Variants in ONECUT3 observed in about 807,000 individuals in gnomAD.
ONECUT3 encodes the protein one cut domain family member 3.
In ONECUT3, 11 loss-of-function variants were observed where a neutral mutation model predicts 16.8. The observed-to-expected ratio is 0.66, with a 90% CI of 0.41 to 1.09. The LOEUF is 1.09. Among genes scored for constraint, ONECUT3 ranks in the 50% least tolerant of loss-of-function variants. The probability of loss-of-function intolerance (pLI) is 0.00; values close to 1 mark genes in which losing one functional copy is unlikely to be tolerated. For synonymous variants in ONECUT3, 344 were observed against 310.7 expected (o/e 1.11, Z -1.13); for missense variants, 637 against 629.9 (o/e 1.01, Z -0.12).
Position 1,766,310 on chromosome 19 carries a change from G to A in ONECUT3, c.1193-8843G>A, listed in dbSNP as rs2067988552. Among the ~76,000 whole-genome samples, 1 of 152,150 alleles carries A rather than the reference G, an allele frequency of 6.6e-6. No individual in the cohort carries two copies. ...AGGCTGGCACCCTCAGCCCGCACGC[G>A]GCCAACGTCAGGCGCGCGCAGAGGC... On this transcript the variant is annotated intron_variant, in intron 1 of 1. Coordinates refer to ENST00000382349, the MANE Select transcript of ONECUT3 (RefSeq NM_001080488.2). The surrounding 1 kb of genome is among the most constrained non-coding windows in gnomAD (Gnocchi z 4.0).
chr19:1,754,918 CG>C lies in ONECUT3; in HGVS notation c.1192+68del, dbSNP rs1442546739. 7.8e-7 allele frequency: 1 copy of C among 1,285,946 alleles called. No homozygotes were observed. Among genetic ancestry groups the C allele is most frequent in the East Asian group, 3.2e-5 (1 of 31,424 alleles). 79.7% of individuals were successfully genotyped at this position (1,285,946 alleles called of 1,614,324 possible). On this transcript the variant is annotated intron_variant, in intron 1 of 1. Coordinates refer to ENST00000382349, the MANE Select transcript of ONECUT3 (RefSeq NM_001080488.2). The surrounding 1 kb of genome is among the most constrained non-coding windows in gnomAD (Gnocchi z 7.4). ...CGGCTCTGGACTCCCGAGCACCTAG[CG>C]GGGCGGCGGCCGATGCCCGGGGCCA... is the stretch of plus-strand genomic sequence containing the variant.
Position 1,780,271 on chromosome 19 carries a change from C to G in ONECUT3, c.*4826C>G, listed in dbSNP as rs2068145897. 6.6e-6 allele frequency: 1 copy of G among 152,130 alleles called. No individual in the cohort carries two copies. The allele number at this position is 152,130 out of a possible 1,614,324, so 9.4% of individuals were successfully genotyped here. On this transcript the variant is annotated 3_prime_UTR_variant, in exon 2 of 2. Transcript: ENST00000382349. ...AGCCCGGGAGGCAGGGGGTGTACGC[C>G]TGCAGAGACCCCTCCCTCCCAGCCC...
At chr19:1,774,372 G>A (rs2068084834) in intron 1 of ONECUT3, among the ~76,000 whole-genome samples, 2 of 151,684 alleles carry the variant, frequency 1.3e-5, no homozygotes, top group Non-Finnish European at 2.9e-5. Flanking sequence ...CTTGAGGCCA[G>A]GCGTTCGAGA....
intron 1 of ONECUT3, among the ~76,000 whole-genome samples, chr19:1,773,616 G>C (rs1600361167): frequency 6.6e-6 from 1 of 152,232 alleles, no homozygotes; most frequent in East Asian, 1.9e-4. Flanking sequence ...ACTGGGAGCA[G>C]AGACCCACTA....
chr19:1,770,497 A>C (rs537094661), intron 1 of ONECUT3, among the ~76,000 whole-genome samples: 7 of 152,366 alleles, frequency 4.6e-5, no homozygotes, highest in African/African-American at 1.7e-4. Context: ...AGCTCTTGAC[A>C]CAAAGCTCTT....
At chr19:1,767,041 C>T (rs1027979872) in intron 1 of ONECUT3, among the ~76,000 whole-genome samples, 6 of 152,006 alleles carry the variant, frequency 3.9e-5, no homozygotes, top group East Asian at 1.9e-4. Flanking sequence ...TGCTCCTGGG[C>T]GTTGAGGAAT....
intron 1 of ONECUT3, among the ~76,000 whole-genome samples, chr19:1,772,686 CTTTTTTTTTTTT>C (rs201848533): frequency 1.4e-4 from 9 of 64,032 alleles, no homozygotes; most frequent in Admixed American, 6.4e-4. Context: ...CTGCTTTACT[CTTTTTTTTTTTT>C]TTTTTTTTTT....
chr19:1,764,986 G>A lies in ONECUT3; in HGVS notation c.1192+10132G>A, dbSNP rs1314006002. ...CTCCCTGAAGCCAGAGGTGGCTGAG[G>A]GAGGGGATCTCCAGCTCCAGGACAC... On this transcript the variant is annotated intron_variant, in intron 1 of 1. Transcript: ENST00000382349. This position sits in a 1 kb window ranked among gnomAD's most constrained non-coding sequence, Gnocchi z 5.0. Among the ~76,000 whole-genome samples the A allele has an allele frequency of 1.3e-5, 2 of 151,600 alleles. No homozygotes were observed.
At position 1,766,835 on chromosome 19, in the gene ONECUT3, G is replaced by A. The variant is rs981620660; in HGVS notation, c.1193-8318G>A. ...CCCCCCCCCATGCTCCACCACCCTCGTGTAGGACAACCCAGGAACATGTTA... is the reference window on the plus strand; with the variant it reads ...CCCCCCCCCATGCTCCACCACCCTCATGTAGGACAACCCAGGAACATGTTA... On this transcript the variant is annotated intron_variant, in intron 1 of 1. Coordinates refer to ENST00000382349, the MANE Select transcript of ONECUT3 (RefSeq NM_001080488.2). This position sits in a 1 kb window ranked among gnomAD's most constrained non-coding sequence, Gnocchi z 4.0. Among the ~76,000 whole-genome samples, 2 of 151,908 alleles carry A rather than the reference G, an allele frequency of 1.3e-5. No individual in the cohort carries two copies. Among genetic ancestry groups the A allele is most frequent in the African/African-American group, 4.8e-5 (2 of 41,328 alleles).
intron 1 of ONECUT3, among the ~76,000 whole-genome samples, chr19:1,756,012 C>G (rs944889218): frequency 6.6e-6 from 1 of 152,176 alleles, no homozygotes; most frequent in Non-Finnish European, 1.5e-5. Context: ...GATCGCTTCT[C>G]CGAGCACAAG....
chr19:1,777,276 C>T lies in ONECUT3; in HGVS notation c.*1831C>T, dbSNP rs2068118052. On this transcript the variant is annotated 3_prime_UTR_variant, in exon 2 of 2. Coordinates refer to ENST00000382349, the MANE Select transcript of ONECUT3 (RefSeq NM_001080488.2). ...GCTCAGCACCGCACCTCTCTACCCCCCCACAGACACACATGCAGACACACA... is the reference window on the plus strand; with the variant it reads ...GCTCAGCACCGCACCTCTCTACCCCTCCACAGACACACATGCAGACACACA... The T allele has an allele frequency of 6.6e-6, 1 of 151,566 alleles. No individual in the cohort carries two copies. Among genetic ancestry groups the T allele is most frequent in the Admixed American group, 6.6e-5 (1 of 15,226 alleles). The allele number at this position is 151,566 out of a possible 1,614,324, so 9.4% of individuals were successfully genotyped here. A position where few individuals can be genotyped will look rare whatever the true frequency, so the allele number is the denominator to read the frequency against.
intron 1 of ONECUT3, among the ~76,000 whole-genome samples, chr19:1,760,603 C>T (rs1264148762): frequency 6.6e-6 from 1 of 151,804 alleles, no homozygotes; most frequent in Non-Finnish European, 1.5e-5. Flanking sequence ...ATGTTGTGGG[C>T]ATGTGAGTCC....
In ONECUT3 at chr19:1,764,568, G is replaced by A. The variant is rs987067932; in HGVS notation, c.1192+9714G>A. 3.5e-4 allele frequency among the ~76,000 whole-genome samples: 53 copies of A among 151,962 alleles called. No homozygotes were observed. The highest frequency in any genetic ancestry group is 3.5e-3 in the Admixed American group (53 of 15,268). On this transcript the variant is annotated intron_variant, in intron 1 of 1. Coordinates refer to ENST00000382349, the MANE Select transcript of ONECUT3 (RefSeq NM_001080488.2). The surrounding 1 kb of genome is among the most constrained non-coding windows in gnomAD (Gnocchi z 5.0). ...TGGAGGGGTAGTGGGAACAGAGTGG[G>A]GCCAGATGAGGGGCTGGGGAGGCCT...
chr19:1,780,352 G>A lies in ONECUT3; in HGVS notation c.*4907G>A, dbSNP rs1279597390. ...CCAAAATCATCAAAGGGGGCTCTGG[G>A]ACAATGTCCTCTGCCTCTGACTCCT... is the stretch of plus-strand genomic sequence containing the variant. On this transcript the variant is annotated 3_prime_UTR_variant, in exon 2 of 2. Coordinates refer to ENST00000382349, the MANE Select transcript of ONECUT3 (RefSeq NM_001080488.2). The A allele has an allele frequency of 2.0e-5, 3 of 152,292 alleles. No homozygotes were observed. Among genetic ancestry groups the A allele is most frequent in the Non-Finnish European group, 4.4e-5 (3 of 68,104 alleles). The allele number at this position is 152,292 out of a possible 1,614,324, so 9.4% of individuals were successfully genotyped here.
In ONECUT3 at chr19:1,754,020, G is replaced by C. The variant is rs1469834483; in HGVS notation, c.358G>C (p.Val120Leu). ...PLQHLPPLAA[V>L]ADKFHQHAAA... ...GCAGCACCTGCCGCCGCTCGCGGCCGTGGCCGACAAGTTCCACCAGCACGC... is the reference window on the plus strand; with the variant it reads ...GCAGCACCTGCCGCCGCTCGCGGCCCTGGCCGACAAGTTCCACCAGCACGC... The change falls in exon 1 of 2, where the codon GTG (valine) becomes CTG (leucine). Residue 120 changes from valine (V) to leucine (L), a missense_variant. By Grantham distance (32) the Val-to-Leu change is conservative. Transcript: ENST00000382349. The surrounding 1 kb of genome is among the most constrained non-coding windows in gnomAD (Gnocchi z 7.4). 7 of 992,128 alleles carry C rather than the reference G, an allele frequency of 7.1e-6. No homozygotes were observed. Among genetic ancestry groups the C allele is most frequent in the Non-Finnish European group, 8.4e-6 (7 of 836,096 alleles). The allele number at this position is 992,128 out of a possible 1,614,324, so 61.5% of individuals were successfully genotyped here.
At chr19:1,761,696 G>A (rs1207835989) in intron 1 of ONECUT3, among the ~76,000 whole-genome samples, 1 of 152,198 alleles carries the variant, frequency 6.6e-6, no homozygotes, top group Non-Finnish European at 1.5e-5. Flanking sequence ...TGATCAATAG[G>A]GAGGGAAGCA....
intron 1 of ONECUT3, among the ~76,000 whole-genome samples, chr19:1,763,705 G>A (rs2067960234): frequency 6.6e-6 from 1 of 150,694 alleles, no homozygotes; most frequent in Non-Finnish European, 1.5e-5. Context: ...GCGCTCCAGG[G>A]ATAAATTCTT....
chr19:1,760,033 G>GGGGGAGGGAGAT (rs1318663583), intron 1 of ONECUT3, among the ~76,000 whole-genome samples: 4 of 152,224 alleles, frequency 2.6e-5, no homozygotes, highest in African/African-American at 9.6e-5. Flanking sequence ...CCCGTGCAGA[G>GGGGGAGGGAGAT]GGGGAGGGAG....
intron 1 of ONECUT3, among the ~76,000 whole-genome samples, chr19:1,765,653 C>T (rs1388804377): frequency 6.6e-6 from 1 of 152,194 alleles, no homozygotes; most frequent in African/African-American, 2.4e-5. Context: ...CGTGCTTCGG[C>T]GTTCATTCCT....
Sources: allele counts gnomAD v4.1 joint callset (sites outside exome capture counted in the v4.1 genomes callset), GRCh38; gene constraint gnomAD v4.1.1; non-coding constraint Gnocchi (gnomAD v3.1); transcripts MANE v1.5; gene names NCBI Gene and HGNC (gene_info 2026-07-23, HGNC 2026-07-21).